Variants in MMACHC observed in about 807,000 individuals in gnomAD.
MMACHC encodes metabolism of cobalamin associated C, also known as cyanocobalamin reductase / alkylcobalamin dealkylase.
Under a neutral mutation model 17.6 loss-of-function variants are expected in MMACHC, and 14 were observed. The ratio of observed to expected loss-of-function variants is 0.80; its 90% CI spans 0.53 to 1.25. The LOEUF is 1.25. Among genes scored for constraint, MMACHC ranks in the 50% most tolerant of loss-of-function variants. The pLI is 0.00. For missense variants in MMACHC, 392 were observed against 364.5 expected (o/e 1.08, Z -0.62); for synonymous variants, 151 against 142.1 (o/e 1.06, Z -0.45).
intron 3 of MMACHC, 68 bp downstream of exon 3, chr1:45,508,432 T>C (rs990876306): frequency 1.7e-5 from 27 of 1,543,506 alleles, no homozygotes; most frequent in Non-Finnish European, 2.1e-5. Flanking sequence ...AGGTCCCACA[T>C]TCCTCAGCCT....
At position 45,508,332 on chromosome 1, in the gene MMACHC, C is replaced by A; in HGVS notation, c.397C>A (p.Gln133Lys). The A allele has an allele frequency of 6.2e-7, 1 of 1,614,216 alleles. No individual in the cohort carries two copies. The highest frequency in any genetic ancestry group is 8.5e-7 in the Non-Finnish European group (1 of 1,180,048). Residue 133 changes from glutamine to lysine, a missense_variant, in exon 3 of 4, where the codon CAA becomes AAA. Physicochemically the swap from Gln to Lys is moderately conservative, Grantham distance 53. Transcript: ENST00000401061. ...VAGAAYYYQR[Q>K]DVEADPWGNQ... ...TGGGGCTGCTTACTACTACCAACGACAAGATGTGGAGGCTGACCCATGGGG... is the reference window on the plus strand; with the variant it reads ...TGGGGCTGCTTACTACTACCAACGAAAAGATGTGGAGGCTGACCCATGGGG...
rs35808563 is a variant in MMACHC at position 45,511,593 on chromosome 1, T to C, written c.*2378T>C. ...TAACCATTTTACAAACATATAATCA[T>C]CACCACAGCCTTAAGATACTATCAT... On this transcript the variant is annotated 3_prime_UTR_variant, in exon 4 of 4. Transcript: ENST00000401061. 6.0e-3 allele frequency: 2,577 copies of C among 431,462 alleles called. 41 individuals carry two copies. The highest frequency in any genetic ancestry group is 0.038 in the African/African-American group (1,883 of 49,308). The allele number at this position is 431,462 out of a possible 1,614,324, so 26.7% of individuals were successfully genotyped here. A position where few individuals can be genotyped will look rare whatever the true frequency, so the allele number is the denominator to read the frequency against.
chr1:45,509,002 G>A lies in MMACHC; in HGVS notation c.636G>A (p.Gln212=), dbSNP rs774357624. The change falls in exon 4 of 4, where the codon CAG becomes CAA. Residue 212 remains glutamine (Q), a synonymous_variant. Transcript: ENST00000401061. ...DWTYRDAVTP[Q]ERYSEEQKAY... ...CTTACCGGGATGCTGTGACACCCCA[G>A]GAGCGCTACTCAGAAGAGCAGAAGG... 2 of 1,614,040 alleles carry A rather than the reference G, an allele frequency of 1.2e-6. No individual in the cohort carries two copies. The highest frequency in any genetic ancestry group is 1.7e-5 in the Admixed American group (1 of 60,002).
Position 45,511,286 on chromosome 1 carries a change from T to C in MMACHC, c.*2071T>C, listed in dbSNP as rs1363054675. The stretch of plus-strand genomic sequence containing the variant: ...AAAAAATACAGAAGAGGTTTTGTTC[T>C]CATGGCTGCCCACCGCAGCCTGGCA... On this transcript the variant is annotated 3_prime_UTR_variant, in exon 4 of 4. Coordinates refer to ENST00000401061, the MANE Select transcript of MMACHC (RefSeq NM_015506.3). 4 of 1,469,668 alleles carry C rather than the reference T, an allele frequency of 2.7e-6. No homozygotes were observed. Among genetic ancestry groups the C allele is most frequent in the Non-Finnish European group, 3.7e-6 (4 of 1,076,006 alleles). 91.0% of individuals were successfully genotyped at this position (1,469,668 alleles called of 1,614,324 possible).
intron 1 of MMACHC, among the ~76,000 whole-genome samples, chr1:45,500,707 A>G (rs1643527883): frequency 6.6e-6 from 1 of 151,890 alleles, no homozygotes; most frequent in Non-Finnish European, 1.5e-5. Flanking sequence ...TCTACTAAAA[A>G]TATAAAATTA....
chr1:45,503,057 A>C (rs1399849235), intron 1 of MMACHC, among the ~76,000 whole-genome samples: 1 of 152,068 alleles, frequency 6.6e-6, no homozygotes, highest in Non-Finnish European at 1.5e-5. Context: ...CTGTCATTGC[A>C]CTAGCTATAG....
At chr1:45,501,357 C>T (rs74073209) in intron 1 of MMACHC, among the ~76,000 whole-genome samples, 3,703 of 152,268 alleles carry the variant, frequency 0.024, 172 homozygotes, top group African/African-American at 0.085. Flanking sequence ...AGCCCTTTGC[C>T]TGATGCTTAA....
In MMACHC at chr1:45,508,988, G is replaced by C. The variant is rs1456124203; in HGVS notation, c.622G>C (p.Ala208Pro). The C allele has an allele frequency of 1.2e-6, 2 of 1,614,094 alleles. No homozygotes were observed. The highest frequency in any genetic ancestry group is 1.3e-5 in the African/African-American group (1 of 74,920). The part of the protein sequence containing the change: ...FHWRDWTYRD[A>P]VTPQERYSEE... ...CTGGCGTGATTGGACTTACCGGGAT[G>C]CTGTGACACCCCAGGAGCGCTACTC... The change falls in exon 4 of 4, where the codon GCT becomes CCT. Residue 208 changes from alanine (A) to proline (P), a missense_variant. Ala to Pro is a conservative substitution (Grantham distance 27, BLOSUM62 -1). Coordinates refer to ENST00000401061, the MANE Select transcript of MMACHC (RefSeq NM_015506.3).
rs1036947044 is a variant in MMACHC at position 45,508,716 on chromosome 1, AG to A, written c.430-78del. 5 of 1,479,552 alleles carry A rather than the reference AG, an allele frequency of 3.4e-6. No homozygotes were observed. In the African/African-American group the frequency reaches 6.9e-5, roughly 21 times the overall value. 91.7% of individuals were successfully genotyped at this position (1,479,552 alleles called of 1,614,324 possible). A position where few individuals can be genotyped will look rare whatever the true frequency, so the allele number is the denominator to read the frequency against. On this transcript the variant is annotated intron_variant, in intron 3 of 3. Coordinates refer to ENST00000401061, the MANE Select transcript of MMACHC (RefSeq NM_015506.3). Reference sequence around the variant, plus strand: ...AGTGTACACTGAGTGGGAAGTGAACAGGCCTAGCTTGCAATGATGGCAGTTG... The same window carrying A: ...AGTGTACACTGAGTGGGAAGTGAACAGCCTAGCTTGCAATGATGGCAGTTG...
rs918397099 is a variant in MMACHC, at chr1:45,510,057, A to G, written c.*842A>G. 1.1e-5 allele frequency: 1 copy of G among 89,464 alleles called. No individual in the cohort carries two copies. The highest frequency in any genetic ancestry group is 2.3e-5 in the Non-Finnish European group (1 of 43,642). The allele number at this position is 89,464 out of a possible 1,614,324, so 5.5% of individuals were successfully genotyped here. Reference sequence around the variant, plus strand: ...GCATGGCTGCACTCTAGCCTGGGTGACAGTGTGAGACTCTGTCTCAAAAAA... The same window carrying G: ...GCATGGCTGCACTCTAGCCTGGGTGGCAGTGTGAGACTCTGTCTCAAAAAA... On this transcript the variant is annotated 3_prime_UTR_variant, in exon 4 of 4. Coordinates refer to ENST00000401061, the MANE Select transcript of MMACHC (RefSeq NM_015506.3).
At chr1:45,505,214 C>T (rs770906381) in intron 1 of MMACHC, among the ~76,000 whole-genome samples, 2 of 150,960 alleles carry the variant, frequency 1.3e-5, no homozygotes, top group African/African-American at 4.9e-5. Context: ...TTTGGGAGGC[C>T]GATGCAGGTG....
chr1:45,509,862 A>G lies in MMACHC; in HGVS notation c.*647A>G, dbSNP rs1643706381. The G allele has an allele frequency of 6.6e-6, 1 of 151,430 alleles. No homozygotes were observed. Among genetic ancestry groups the G allele is most frequent in the African/African-American group, 2.4e-5 (1 of 41,232 alleles). The allele number at this position is 151,430 out of a possible 1,614,324, so 9.4% of individuals were successfully genotyped here. ...TCTGGGAGGCCGAGGCAGGTGGATCATGAGGTCGAGTTTGAGACCAGCCTG... is the reference window on the plus strand; with the variant it reads ...TCTGGGAGGCCGAGGCAGGTGGATCGTGAGGTCGAGTTTGAGACCAGCCTG... On this transcript the variant is annotated 3_prime_UTR_variant, in exon 4 of 4. Coordinates refer to ENST00000401061, the MANE Select transcript of MMACHC (RefSeq NM_015506.3).
rs200895671 is a variant in MMACHC at position 45,508,931 on chromosome 1, C to T, written c.565C>T (p.Arg189Cys). The T allele has an allele frequency of 9.9e-6, 16 of 1,614,192 alleles. No individual in the cohort carries two copies. In the East Asian group the frequency reaches 1.3e-4, roughly 13 times the overall value. ...TGACTGTGTACCTACAAGAGCTGAC[C>T]GTATCGCCCTACTCGAAGGCTTCAA... ...PHDCVPTRAD[R>C]IALLEGFNFH... Residue 189 changes from arginine to cysteine, a missense_variant, in exon 4 of 4, where the codon CGT (arginine) becomes TGT (cysteine). By Grantham distance (180) the Arg-to-Cys change is radical (BLOSUM62 -3). Coordinates refer to ENST00000401061, the MANE Select transcript of MMACHC (RefSeq NM_015506.3).
Position 45,507,221 on chromosome 1 carries a change from C to T in MMACHC, c.82-135C>T, listed in dbSNP as rs80012768. On this transcript the variant is annotated intron_variant, in intron 1 of 3. Transcript: ENST00000401061. The stretch of plus-strand genomic sequence containing the variant: ...TTGAGTTGCTTATAAAAATGCATCA[C>T]ATAGCGTCAGTGAAAATTCACTGAA... 11 of 757,540 alleles carry T rather than the reference C, an allele frequency of 1.5e-5. No homozygotes were observed. The African/African-American group carries it at 1.7e-4, about 12-fold the overall frequency. 46.9% of individuals were successfully genotyped at this position (757,540 alleles called of 1,614,324 possible). A position where few individuals can be genotyped will look rare whatever the true frequency, so the allele number is the denominator to read the frequency against.
chr1:45,509,104 C>T lies in MMACHC; in HGVS notation c.738C>T (p.Pro246=), dbSNP rs16832550. Residue 246 remains proline, a synonymous_variant, in exon 4 of 4, where the codon CCC becomes CCT. Transcript: ENST00000401061. ...LAQPSEKPSS[P]SPDLPFTTPA... is the part of the protein sequence containing the mutation. Reference sequence around the variant, plus strand: ...AGCCCTCAGAGAAGCCTAGTTCTCCCTCCCCGGACCTTCCCTTTACCACAC... The same window carrying T: ...AGCCCTCAGAGAAGCCTAGTTCTCCTTCCCCGGACCTTCCCTTTACCACAC... 3.2e-3 allele frequency: 5,187 copies of T among 1,612,282 alleles called. 90 individuals carry two copies. The African/African-American group carries it at 0.04, about 13-fold the overall frequency.
At chr1:45,500,782 T>G (rs1001596498) in intron 1 of MMACHC, among the ~76,000 whole-genome samples, 2 of 148,438 alleles carry the variant, frequency 1.3e-5, no homozygotes, top group African/African-American at 2.5e-5. Context: ...GACAATTGCT[T>G]GAACCCATGA....
In MMACHC at chr1:45,509,180, C is replaced by G. The variant is rs910738222; in HGVS notation, c.814C>G (p.Pro272Ala). The G allele has an allele frequency of 6.2e-7, 1 of 1,613,998 alleles. No individual in the cohort carries two copies. The highest frequency in any genetic ancestry group is 1.3e-5 in the African/African-American group (1 of 74,910). The change falls in exon 4 of 4, where the codon CCC (proline) becomes GCC (alanine). Residue 272 changes from proline (P) to alanine (A), a missense_variant. Transcript: ENST00000401061. Reference protein sequence around the residue: ...NPSRARSWLSPRVSPPASPGP With the variant: ...NPSRARSWLSARVSPPASPGP ...CAGCAGAGCCCGGAGCTGGCTCAGCCCCAGGGTCTCACCACCTGCATCCCC... is the reference window on the plus strand; with the variant it reads ...CAGCAGAGCCCGGAGCTGGCTCAGCGCCAGGGTCTCACCACCTGCATCCCC...
intron 2 of MMACHC, among the ~76,000 whole-genome samples, chr1:45,507,930 C>T (rs1643659437): frequency 6.6e-6 from 1 of 152,240 alleles, no homozygotes; most frequent in South Asian, 2.1e-4. Flanking sequence ...ATTCTCCCAA[C>T]ACACACTCAC....
At chr1:45,506,696 A>G (rs1044750568) in intron 1 of MMACHC, among the ~76,000 whole-genome samples, 4 of 151,320 alleles carry the variant, frequency 2.6e-5, no homozygotes, top group African/African-American at 9.7e-5. Flanking sequence ...CATGTTGGCC[A>G]GGCTGGTCTC....
Sources: allele counts gnomAD v4.1 joint callset (sites outside exome capture counted in the v4.1 genomes callset), GRCh38; gene constraint gnomAD v4.1.1; transcripts MANE v1.5; gene names NCBI Gene and HGNC (gene_info 2026-07-23, HGNC 2026-07-21).